The following PINX1 variants were observed in gnomAD, a reference collection of about 807,000 sequenced individuals.
PINX1 encodes the protein PIN2/TERF1-interacting telomerase inhibitor 1.
In PINX1, 34 loss-of-function variants were observed where a neutral mutation model predicts 25.4. The ratio of observed to expected loss-of-function variants is 1.34; its 90% confidence interval spans 1.02 to 1.78. The LOEUF is 1.78. Ranked by LOEUF, PINX1 falls within the 40% of genes most tolerant of loss-of-function variation. The pLI is 0.00. For synonymous variants in PINX1, 197 were observed against 147.7 expected (o/e 1.33, Z -2.42); for missense variants, 592 against 404.9 (o/e 1.46, Z -3.97).
chr8:10,829,145 G>T (rs1300850539), intron 4 of PINX1, among the ~76,000 whole-genome samples: 4 of 152,014 alleles, frequency 2.6e-5, no homozygotes, highest in Non-Finnish European at 5.9e-5. Flanking sequence ...AATTAGCCAG[G>T]CGTGGTGGTG....
intron 6 of PINX1, among the ~76,000 whole-genome samples, chr8:10,767,724 G>T (rs114831206): frequency 6.6e-6 from 1 of 150,558 alleles, no homozygotes; most frequent in Non-Finnish European, 1.5e-5. Context: ...CACCCTCACA[G>T]CCACAGAGAC....
At chr8:10,799,983 T>C (rs1802214944) in intron 6 of PINX1, among the ~76,000 whole-genome samples, 1 of 152,184 alleles carries the variant, frequency 6.6e-6, no homozygotes, top group African/African-American at 2.4e-5. Context: ...CCAAAGGTCA[T>C]ATGACTCACA....
In PINX1 at chr8:10,775,410, GTTTTTTTTTT is replaced by G. The variant is rs143926728; in HGVS notation, c.472-9504_472-9495del. Among the ~76,000 whole-genome samples the G allele has an allele frequency of 6.4e-5, 7 of 109,616 alleles. No individual in the cohort carries two copies. In the East Asian group the frequency reaches 1.8e-3, roughly 27 times the overall value. The allele number at this position is 109,616 out of a possible 152,430, so 71.9% of individuals were successfully genotyped here. On this transcript the variant is annotated intron_variant, in intron 6 of 6. Coordinates refer to ENST00000314787, the MANE Select transcript of PINX1 (RefSeq NM_017884.6). ...AAGGATTAGTTCTGTCTGTTTTGTGGTTTTTTTTTTTTTTTTTTTTTTTTTTTTTTGCCTT... is the reference window on the plus strand; with the variant it reads ...AAGGATTAGTTCTGTCTGTTTTGTGGTTTTTTTTTTTTTTTTTTTTGCCTT...
intron 5 of PINX1, chr8:10,825,573 G>T (rs1436926958): frequency 4.7e-6 from 2 of 423,814 alleles, no homozygotes; most frequent in East Asian, 1.3e-4. Context: ...AAGGGGCTAG[G>T]GAGGTGGTGA....
intron 5 of PINX1, among the ~76,000 whole-genome samples, chr8:10,822,761 A>G (rs1797917227): frequency 6.6e-6 from 1 of 152,220 alleles, no homozygotes; most frequent in African/African-American, 2.4e-5. Flanking sequence ...AACAAGCTGT[A>G]TTAGAACTGA....
chr8:10,773,809 G>A (rs972596241), intron 6 of PINX1, among the ~76,000 whole-genome samples: 1 of 152,192 alleles, frequency 6.6e-6, no homozygotes, highest in Non-Finnish European at 1.5e-5. Context: ...TCCAGCCTCT[G>A]TGGAAAAAGA....
chr8:10,814,949 C>T (rs147213568), intron 6 of PINX1, among the ~76,000 whole-genome samples: 146 of 152,120 alleles, frequency 9.6e-4, no homozygotes, highest in African/African-American at 3.4e-3. Flanking sequence ...TCTTTTTCTT[C>T]GTTTTTTTGA....
chr8:10,794,003 A>C (rs1340257099), intron 6 of PINX1, among the ~76,000 whole-genome samples: 1 of 152,266 alleles, frequency 6.6e-6, no homozygotes, highest in African/African-American at 2.4e-5. Context: ...TTGTGTGAGA[A>C]GATAACTACA....
intron 6 of PINX1, among the ~76,000 whole-genome samples, chr8:10,794,571 C>G (rs372152868): frequency 6.6e-6 from 1 of 151,964 alleles, no homozygotes; most frequent in African/African-American, 2.4e-5. Context: ...GGATTACAGG[C>G]GCCTGCCACC....
intron 6 of PINX1, among the ~76,000 whole-genome samples, chr8:10,792,482 A>C (rs1041437435): frequency 6.6e-6 from 1 of 152,032 alleles, no homozygotes; most frequent in African/African-American, 2.4e-5. Flanking sequence ...GCGCTCCCTG[A>C]AGGGACAGAC....
intron 6 of PINX1, among the ~76,000 whole-genome samples, chr8:10,800,094 G>T (rs1586167809): frequency 6.6e-6 from 1 of 152,144 alleles, no homozygotes; most frequent in African/African-American, 2.4e-5. Context: ...CTAGTCTTTA[G>T]GATTGTTTTC....
intron 6 of PINX1, among the ~76,000 whole-genome samples, chr8:10,813,757 T>C (rs958701422): frequency 2.0e-5 from 3 of 152,080 alleles, no homozygotes; most frequent in African/African-American, 4.8e-5. Flanking sequence ...GCCAGAAGCA[T>C]GCTAGACAGA....
intron 3 of PINX1, among the ~76,000 whole-genome samples, chr8:10,832,201 C>G (rs1375684732): frequency 1.3e-5 from 2 of 152,086 alleles, no homozygotes; most frequent in African/African-American, 4.8e-5. Flanking sequence ...TTACAAAACT[C>G]TGAGGAAGGG....
chr8:10,809,252 A>G (rs748362865), intron 6 of PINX1, among the ~76,000 whole-genome samples: 2 of 152,242 alleles, frequency 1.3e-5, no homozygotes, highest in African/African-American at 4.8e-5. Context: ...CCTAAGGAGC[A>G]AGTGGCTGGA....
At chr8:10,827,604 T>G (rs73208798) in intron 4 of PINX1, among the ~76,000 whole-genome samples, 1,857 of 151,914 alleles carry the variant, frequency 0.012, 23 homozygotes, top group Non-Finnish European at 0.017. Flanking sequence ...GATATGAGGT[T>G]AGAGAAACTG....
rs181298993 is a variant in PINX1, at chr8:10,785,371, A to G, written c.472-19455T>C. ...TACTTTAGAACCAGTCTACGAAAAG[A>G]TAAGATTCTTAGACTCCATCCAATC... is the stretch of plus-strand genomic sequence containing the variant. On this transcript the variant is annotated intron_variant, in intron 6 of 6. Coordinates refer to ENST00000314787, the MANE Select transcript of PINX1 (RefSeq NM_017884.6). 1.1e-4 allele frequency among the ~76,000 whole-genome samples: 16 copies of G among 152,354 alleles called. No individual in the cohort carries two copies. The East Asian group carries it at 2.1e-3, about 20-fold the overall frequency.
chr8:10,833,031 C>T, intron 2 of PINX1, 47 bp from the exon 3 acceptor site: 1 of 1,223,830 alleles, frequency 8.2e-7, no homozygotes, highest in Non-Finnish European at 1.2e-6. Context: ...CTCACTGATA[C>T]TCAGAAGCAG....
At chr8:10,788,145 A>C (rs1050449596) in intron 6 of PINX1, among the ~76,000 whole-genome samples, 3 of 152,178 alleles carry the variant, frequency 2.0e-5, no homozygotes, top group Non-Finnish European at 4.4e-5. Flanking sequence ...GTGGGAGTAC[A>C]GCTGGAATGA....
chr8:10,821,256 C>A (rs1234201934), intron 5 of PINX1, among the ~76,000 whole-genome samples: 1 of 152,176 alleles, frequency 6.6e-6, no homozygotes, highest in East Asian at 1.9e-4. Flanking sequence ...ATGTCATGAC[C>A]CAGAAGGTTC....
Sources: allele counts gnomAD v4.1 joint callset (sites outside exome capture counted in the v4.1 genomes callset), GRCh38; gene constraint gnomAD v4.1.1; transcripts MANE v1.5; gene names NCBI Gene and HGNC (gene_info 2026-07-23, HGNC 2026-07-21).